TMEM132A: variants seen among roughly 807,000 people sequenced by gnomAD.
TMEM132A encodes the protein GRP78-binding protein.
A neutral mutation model predicts 69.9 loss-of-function variants in TMEM132A; 48 were observed. The observed-to-expected ratio is 0.69, with a 90% CI of 0.55 to 0.87. The LOEUF (loss-of-function observed/expected upper bound fraction) is 0.87, where lower values mean the gene tolerates loss of function less well. TMEM132A is among the 40% of genes least tolerant of loss of function. The pLI, the probability that TMEM132A is intolerant of heterozygous loss-of-function variation, is 0.00. For missense variants in TMEM132A, 1,287 were observed against 1,407.2 expected, an observed-to-expected ratio of 0.91 and a Z score of 1.37; for synonymous variants, 577 against 613.7, an observed-to-expected ratio of 0.94 and a Z score of 0.88.
Position 60,928,977 on chromosome 11 carries a change from G to T in TMEM132A, c.866+17G>T. ...GACCCTGCGGTGAGCACCAGGCCAC[G>T]GGGATGGGTGAGGGTGGGAACCTCT... On this transcript the variant is annotated intron_variant, in intron 4 of 10. Transcript: ENST00000453848. The T allele has an allele frequency of 6.2e-7, 1 of 1,610,704 alleles. No individual in the cohort carries two copies. The highest frequency in any genetic ancestry group is 1.1e-5 in the South Asian group (1 of 91,072).
rs1208765612 is a variant in TMEM132A, at chr11:60,931,804, C to T, written c.1132C>T (p.Pro378Ser). 1 of 1,614,086 alleles carries T rather than the reference C, an allele frequency of 6.2e-7. No individual in the cohort carries two copies. Among genetic ancestry groups the T allele is most frequent in the Non-Finnish European group, 8.5e-7 (1 of 1,180,056 alleles). ...TWQLEYPGQA[P>S]EAEKDKMVWE... ...GCAGCTGGAGTACCCAGGCCAGGCC[C>T]CTGAAGCAGAGAAGGACAAAATGGT... The change falls in exon 6 of 11, where the codon CCT becomes TCT. Residue 378 changes from proline (P) to serine (S), a missense_variant. Transcript: ENST00000453848.
chr11:60,933,870 C>G (rs1053320799), intron 8 of TMEM132A, 126 bp downstream of exon 8: 104 of 864,986 alleles, frequency 1.2e-4, no homozygotes, highest in Non-Finnish European at 1.6e-4. Context: ...GCAGTTCCTT[C>G]TGCCCACCTC....
chr11:60,929,805 G>A (rs1856436487), intron 4 of TMEM132A, among the ~76,000 whole-genome samples: 1 of 152,144 alleles, frequency 6.6e-6, no homozygotes, highest in Non-Finnish European at 1.5e-5. Flanking sequence ...CTCTTATTAA[G>A]CAGATCTTTC....
chr11:60,928,423 G>T (rs1381946877), intron 3 of TMEM132A, among the ~76,000 whole-genome samples: 1 of 152,140 alleles, frequency 6.6e-6, no homozygotes, highest in Non-Finnish European at 1.5e-5. Flanking sequence ...AGAGTGGTCT[G>T]CGGACATGCT....
Position 60,936,942 on chromosome 11 carries a change from G to A in TMEM132A, c.*35G>A. On this transcript the variant is annotated 3_prime_UTR_variant, in exon 11 of 11. Transcript: ENST00000453848. ...GCCACCTGGTCAGCCACCAGCTGGG[G>A]CAACGAGGGTGGAGGTCCCACTGAG... is the stretch of plus-strand genomic sequence containing the variant. 6.7e-7 allele frequency: 1 copy of A among 1,493,752 alleles called. No homozygotes were observed. Among genetic ancestry groups the A allele is most frequent in the East Asian group, 2.3e-5 (1 of 43,308 alleles). 92.5% of individuals were successfully genotyped at this position (1,493,752 alleles called of 1,614,324 possible).
Position 60,935,617 on chromosome 11 carries a change from G to A in TMEM132A, c.2028+174G>A. ...GCTGGAGGTGATCAAGCAGTGGCTG[G>A]AGTATGGCAGTGGGAGGTTGGTTAG... On this transcript the variant is annotated intron_variant, in intron 10 of 10. Transcript: ENST00000453848. This position sits in a 1 kb window ranked among gnomAD's most constrained non-coding sequence, Gnocchi z 5.0. The A allele has an allele frequency of 1.2e-6, 1 of 807,184 alleles. No individual in the cohort carries two copies. The highest frequency in any genetic ancestry group is 2.7e-5 in the East Asian group (1 of 37,318). 50.0% of individuals were successfully genotyped at this position (807,184 alleles called of 1,614,324 possible).
At chr11:60,932,194 T>A in intron 7 of TMEM132A, 67 bp downstream of exon 7, 11 of 1,470,580 alleles carry the variant, frequency 7.5e-6, no homozygotes, top group Non-Finnish European at 9.9e-6. Context: ...ACACACACCT[T>A]TCCTCCTTCC....
In TMEM132A at chr11:60,933,570, T is replaced by C; in HGVS notation, c.1385T>C (p.Val462Ala). 6.2e-7 allele frequency: 1 copy of C among 1,607,878 alleles called. No individual in the cohort carries two copies. Among genetic ancestry groups the C allele is most frequent in the Non-Finnish European group, 8.5e-7 (1 of 1,179,216 alleles). Residue 462 changes from valine (V) to alanine (A), a missense_variant, in exon 8 of 11, where the codon GTG becomes GCG. Val to Ala is a moderately conservative substitution (Grantham distance 64). Coordinates refer to ENST00000453848, the MANE Select transcript of TMEM132A (RefSeq NM_178031.3). The stretch of plus-strand genomic sequence containing the variant: ...TCTGAGGCCTGTGATGCCGTGTTCG[T>C]GGCTGGCAAGGAGAGCCGGGGCGCC... ...QVSEACDAVFVAGKESRGARG... is the reference protein window; with the variant it reads ...QVSEACDAVFAAGKESRGARG...
chr11:60,927,233 G>C lies in TMEM132A; in HGVS notation c.130G>C (p.Val44Leu), dbSNP rs1206068920. 7.4e-6 allele frequency: 12 copies of C among 1,613,534 alleles called. No individual in the cohort carries two copies. The highest frequency in any genetic ancestry group is 8.5e-6 in the Non-Finnish European group (10 of 1,179,992). The change falls in exon 2 of 11, where the codon GTC becomes CTC. Residue 44 changes from valine (V) to leucine (L), a missense_variant. By Grantham distance (32) the Val-to-Leu change is conservative. Coordinates refer to ENST00000453848, the MANE Select transcript of TMEM132A (RefSeq NM_178031.3). ...VDCGQAPLDPVYLPAALELLD... is the reference protein window; with the variant it reads ...VDCGQAPLDPLYLPAALELLD... ...CTGTGGCCAGGCTCCCCTGGACCCTGTCTACCTGCCGGCAGCCCTGGAGCT... is the reference window on the plus strand; with the variant it reads ...CTGTGGCCAGGCTCCCCTGGACCCTCTCTACCTGCCGGCAGCCCTGGAGCT...
Position 60,935,650 on chromosome 11 carries a change from TAACTGAGGACCCTCCC to T in TMEM132A, c.2028+210_2029-196del, listed in dbSNP as rs1856578135. On this transcript the variant is annotated intron_variant, in intron 10 of 10. Coordinates refer to ENST00000453848, the MANE Select transcript of TMEM132A (RefSeq NM_178031.3). This position sits in a 1 kb window ranked among gnomAD's most constrained non-coding sequence, Gnocchi z 5.0. ...CAGTGGGAGGTTGGTTAGATGGCTC[TAACTGAGGACCCTCCC>T]AATAACTCAGACCCTAGGGCTGAGT... 2 of 776,406 alleles carry T rather than the reference TAACTGAGGACCCTCCC, an allele frequency of 2.6e-6. No homozygotes were observed. Among genetic ancestry groups the T allele is most frequent in the South Asian group, 3.7e-5 (2 of 54,672 alleles). The allele number at this position is 776,406 out of a possible 1,614,324, so 48.1% of individuals were successfully genotyped here.
In TMEM132A at chr11:60,935,145, C is replaced by A; in HGVS notation, c.1837-107C>A. 8.1e-6 allele frequency: 9 copies of A among 1,111,202 alleles called. No individual in the cohort carries two copies. Among genetic ancestry groups the A allele is most frequent in the Non-Finnish European group, 1.2e-5 (9 of 779,278 alleles). The allele number at this position is 1,111,202 out of a possible 1,614,324, so 68.8% of individuals were successfully genotyped here. A position where few individuals can be genotyped will look rare whatever the true frequency, so the allele number is the denominator to read the frequency against. ...GGGCTGTCCGTGGCGAAGACCTCCC[C>A]CACCTCCGGAGGGCAGCCCGTGAGG... On this transcript the variant is annotated intron_variant, in intron 9 of 10. Transcript: ENST00000453848. This position sits in a 1 kb window ranked among gnomAD's most constrained non-coding sequence, Gnocchi z 5.0.
chr11:60,936,700 G>A lies in TMEM132A; in HGVS notation c.2865G>A (p.Glu955=). The A allele has an allele frequency of 6.4e-7, 1 of 1,572,218 alleles. No individual in the cohort carries two copies. ...CCTCAAGCACCCTGGCCCGAAAGGA[G>A]GCTGGGGGGCGGCGGAAGCGAGTAG... ...TSSSSTLARK[E]AGGRRKRVEF... The change falls in exon 11 of 11, where the codon GAG becomes GAA. Residue 955 remains glutamate (E), a synonymous_variant. Coordinates refer to ENST00000453848, the MANE Select transcript of TMEM132A (RefSeq NM_178031.3).
At chr11:60,933,240 A>G (rs1314279890) in intron 7 of TMEM132A, 4 of 367,502 alleles carry the variant, frequency 1.1e-5, no homozygotes, top group East Asian at 9.7e-5. Flanking sequence ...CTGGAGTGCA[A>G]TGGTACAGTC....
chr11:60,927,585 C>T, intron 2 of TMEM132A, 56 bp from the exon 3 acceptor site: 1 of 1,525,288 alleles, frequency 6.6e-7, no homozygotes, highest in Non-Finnish European at 8.9e-7. Flanking sequence ...TCCCATCTTC[C>T]TAGATCTTCC....
rs1852673323 is a variant in TMEM132A, at chr11:60,935,142, C to T, written c.1837-110C>T. On this transcript the variant is annotated intron_variant, in intron 9 of 10. Transcript: ENST00000453848. This position sits in a 1 kb window ranked among gnomAD's most constrained non-coding sequence, Gnocchi z 5.0. ...TGGGGGCTGTCCGTGGCGAAGACCT[C>T]CCCCACCTCCGGAGGGCAGCCCGTG... 16 of 1,077,140 alleles carry T rather than the reference C, an allele frequency of 1.5e-5. No individual in the cohort carries two copies. The highest frequency in any genetic ancestry group is 1.9e-5 in the Non-Finnish European group (14 of 748,354). The allele number at this position is 1,077,140 out of a possible 1,614,324, so 66.7% of individuals were successfully genotyped here. A position where few individuals can be genotyped will look rare whatever the true frequency, so the allele number is the denominator to read the frequency against.
At position 60,935,938 on chromosome 11, in the gene TMEM132A, C is replaced by G. The variant is rs971006068; in HGVS notation, c.2103C>G (p.Asp701Glu). 1 of 1,612,020 alleles carries G rather than the reference C, an allele frequency of 6.2e-7. No homozygotes were observed. Among genetic ancestry groups the G allele is most frequent in the Non-Finnish European group, 8.5e-7 (1 of 1,179,994 alleles). ...VAPAELYDRRDLGLSVSAEEP... is the reference protein window; with the variant it reads ...VAPAELYDRRELGLSVSAEEP... ...CAGCTGAGCTCTACGACCGCCGTGA[C>G]CTGGGACTGTCCGTCTCAGCCGAGG... is the stretch of plus-strand genomic sequence containing the variant. Residue 701 changes from aspartate (D) to glutamate (E), a missense_variant, in exon 11 of 11, where the codon GAC (aspartate) becomes GAG (glutamate). Coordinates refer to ENST00000453848, the MANE Select transcript of TMEM132A (RefSeq NM_178031.3). The surrounding 1 kb of genome is among the most constrained non-coding windows in gnomAD (Gnocchi z 5.0).
At chr11:60,933,395 G>A (rs1856520116) in intron 7 of TMEM132A, 147 bp from the exon 8 acceptor site, 4 of 626,004 alleles carry the variant, frequency 6.4e-6, no homozygotes, top group African/African-American at 3.7e-5. Flanking sequence ...TGTTGCCCAG[G>A]CTGGTCTCAA....
Position 60,928,811 on chromosome 11 carries a change from G to A in TMEM132A, c.717G>A (p.Leu239=), listed in dbSNP as rs906122565. The A allele has an allele frequency of 1.9e-6, 3 of 1,611,484 alleles. No individual in the cohort carries two copies. Among genetic ancestry groups the A allele is most frequent in the Non-Finnish European group, 2.5e-6 (3 of 1,179,660 alleles). ...CCCTCCCAGTGGGGGGTGTGGAGCT[G>A]CGCCCAGCAGACCCCCCGCAGTACC... ...EQALPVGGVE[L]RPADPPQYQE... is the part of the protein sequence containing the mutation. The change falls in exon 4 of 11, where the codon CTG becomes CTA. Residue 239 remains leucine (L), a synonymous_variant. Coordinates refer to ENST00000453848, the MANE Select transcript of TMEM132A (RefSeq NM_178031.3).
chr11:60,928,077 A>C (rs1244846367), intron 3 of TMEM132A, among the ~76,000 whole-genome samples: 1 of 152,202 alleles, frequency 6.6e-6, no homozygotes, highest in Non-Finnish European at 1.5e-5. Flanking sequence ...TAAGTAACTT[A>C]ATCTCTCTGA....
Sources: allele counts gnomAD v4.1 joint callset (sites outside exome capture counted in the v4.1 genomes callset), GRCh38; gene constraint gnomAD v4.1.1; non-coding constraint Gnocchi (gnomAD v3.1); transcripts MANE v1.5; gene names NCBI Gene and HGNC (gene_info 2026-07-23, HGNC 2026-07-21).